The following MAST4 variants were observed in gnomAD, a reference collection of about 807,000 sequenced individuals.
The protein encoded by MAST4 is microtubule-associated serine/threonine-protein kinase 4.
MAST4 carries 89 observed loss-of-function variants against 162.7 expected under a neutral mutation model. That is an observed-to-expected ratio of 0.55 (90% confidence interval 0.46 to 0.65). The LOEUF (loss-of-function observed/expected upper bound fraction) is 0.65. MAST4 is among the 30% of genes least tolerant of loss of function. MAST4 has a pLI of 0.00. For synonymous variants in MAST4, 1,479 were observed against 1,361.1 expected (o/e 1.09, Z -1.91); for missense variants, 3,153 against 3,374.0 (o/e 0.93, Z 1.62).
chr5:67,016,730 G>T (rs139330904), intron 4 of MAST4, among the ~76,000 whole-genome samples: 55 of 152,190 alleles, frequency 3.6e-4, no homozygotes, highest in African/African-American at 1.3e-3. Context: ...TGTCTTCCAG[G>T]CCTTTGAATG....
intron 5 of MAST4, among the ~76,000 whole-genome samples, chr5:67,076,891 G>T (rs770130717): frequency 1.4e-4 from 22 of 152,164 alleles, no homozygotes; most frequent in Non-Finnish European, 2.6e-4. Flanking sequence ...AAACTCTGAG[G>T]CTCCAACCCA....
chr5:66,716,488 G>A (rs1332055886), intron 1 of MAST4, among the ~76,000 whole-genome samples: 1 of 151,864 alleles, frequency 6.6e-6, no homozygotes, highest in African/African-American at 2.4e-5. Context: ...TGGGACTACA[G>A]GTGTACATCA....
chr5:67,134,800 T>C (rs745645321), intron 18 of MAST4, 112 bp downstream of exon 18: 35 of 870,428 alleles, frequency 4.0e-5, no homozygotes, highest in Non-Finnish European at 5.7e-5. Context: ...TATCAAACAG[T>C]TGAGCCAACA....
At chr5:66,939,490 A>G (rs1171174555) in intron 4 of MAST4, among the ~76,000 whole-genome samples, 3 of 152,262 alleles carry the variant, frequency 2.0e-5, no homozygotes, top group Admixed American at 1.3e-4. Context: ...TTCACTAACA[A>G]CGTTTTACCT....
At chr5:66,913,234 C>G (rs1482858974) in intron 4 of MAST4, among the ~76,000 whole-genome samples, 2 of 151,962 alleles carry the variant, frequency 1.3e-5, no homozygotes, top group Non-Finnish European at 2.9e-5. Flanking sequence ...AATAAAATAC[C>G]CATCTCCCCC....
rs150845930 is a variant in MAST4 at position 66,619,150 on chromosome 5, T to A, written c.363+22132T>A. ...GTTCCTCAAATAGAAGAATGGCCAT[T>A]GTGAGAGAGTAACTTTTCCAGGAGT... is the stretch of plus-strand genomic sequence containing the variant. On this transcript the variant is annotated intron_variant, in intron 1 of 28. Transcript: ENST00000403625. Among the ~76,000 whole-genome samples, 27 of 152,262 alleles carry A rather than the reference T, an allele frequency of 1.8e-4. 1 individual carries two copies. The East Asian group carries it at 5.2e-3, about 29-fold the overall frequency.
chr5:66,602,623 G>T (rs563356451), intron 1 of MAST4, among the ~76,000 whole-genome samples: 1 of 152,192 alleles, frequency 6.6e-6, no homozygotes, highest in African/African-American at 2.4e-5. Context: ...AAGGGTCCAT[G>T]ACCTGGTGGC....
chr5:67,066,248 A>G lies in MAST4; in HGVS notation c.763+11756A>G, dbSNP rs185812177. ...ACAAAGAAGAATTGAAAAATCATCT[A>G]TATTGTCCCCCTTAAAAGAAACATA... On this transcript the variant is annotated intron_variant, in intron 5 of 28. Coordinates refer to ENST00000403625, the MANE Select transcript of MAST4 (RefSeq NM_001164664.2). Among the ~76,000 whole-genome samples, 712 of 152,170 alleles carry G rather than the reference A, an allele frequency of 4.7e-3. 11 individuals are homozygous for G. Among genetic ancestry groups the G allele is most frequent in the African/African-American group, 0.016 (657 of 41,552 alleles).
At chr5:67,038,451 C>A (rs931449717) in intron 4 of MAST4, among the ~76,000 whole-genome samples, 1 of 152,136 alleles carries the variant, frequency 6.6e-6, no homozygotes, top group African/African-American at 2.4e-5. Flanking sequence ...CTGCATGGGG[C>A]AAGATACTCT....
At chr5:66,717,034 C>T (rs1264141522) in intron 1 of MAST4, among the ~76,000 whole-genome samples, 5 of 152,230 alleles carry the variant, frequency 3.3e-5, no homozygotes, top group East Asian at 1.9e-4. Flanking sequence ...TGATCCCAGG[C>T]GATGAGTATT....
chr5:66,596,516 TAGTCGCTGGCGGGGCTCCCTG>T lies in MAST4; in HGVS notation c.-139_-119del, dbSNP rs1742184749. 10 of 1,055,660 alleles carry T rather than the reference TAGTCGCTGGCGGGGCTCCCTG, an allele frequency of 9.5e-6. No homozygotes were observed. The highest frequency in any genetic ancestry group is 1.1e-5 in the Non-Finnish European group (9 of 814,710). 65.4% of individuals were successfully genotyped at this position (1,055,660 alleles called of 1,614,324 possible). On this transcript the variant is annotated 5_prime_UTR_variant, in exon 1 of 29. The change abolishes the stop of an existing upstream ORF in the 5' untranslated region. Transcript: ENST00000403625. Reference sequence around the variant, plus strand: ...CTCCTGCGGCCCCGTCACTGCCATGTAGTCGCTGGCGGGGCTCCCTGCAGCCCGGGAGCGGCAGTGCCAGTG... The same window carrying T: ...CTCCTGCGGCCCCGTCACTGCCATGTCAGCCCGGGAGCGGCAGTGCCAGTG...
At chr5:67,073,886 G>T (rs1357375802) in intron 5 of MAST4, among the ~76,000 whole-genome samples, 2 of 152,080 alleles carry the variant, frequency 1.3e-5, no homozygotes, top group Admixed American at 6.5e-5. Flanking sequence ...TTAATATATA[G>T]TTGAACATTT....
chr5:67,144,823 T>C, intron 22 of MAST4, 27 bp downstream of exon 22: 1 of 1,571,778 alleles, frequency 6.4e-7, no homozygotes, highest in Non-Finnish European at 8.6e-7. Flanking sequence ...TTAAGTAATA[T>C]AAGCAGTAGC....
rs541066745 is a variant in MAST4, at chr5:66,698,565, T to C, written c.364-61144T>C. ...CCATCTGGACATTTGCTTTAAGTGA[T>C]TCAGCTATCCAGCCCTCAACTCTAA... On this transcript the variant is annotated intron_variant, in intron 1 of 28. Transcript: ENST00000403625. 3.3e-5 allele frequency among the ~76,000 whole-genome samples: 5 copies of C among 152,268 alleles called. No individual in the cohort carries two copies. The South Asian group carries it at 1.0e-3, about 32-fold the overall frequency.
Position 66,625,278 on chromosome 5 carries a change from T to C in MAST4, c.363+28260T>C, listed in dbSNP as rs77225504. On this transcript the variant is annotated intron_variant, in intron 1 of 28. Transcript: ENST00000403625. ...TGGGAGAAAACCTACCTCTGTTGCA[T>C]TCGGTTTCCTTCTGTGGTCTTTAAG... Among the ~76,000 whole-genome samples, 5 of 152,264 alleles carry C rather than the reference T, an allele frequency of 3.3e-5. 1 individual carries two copies. The East Asian group carries it at 9.6e-4, about 29-fold the overall frequency.
At chr5:66,835,868 C>A (rs1757931741) in intron 3 of MAST4, among the ~76,000 whole-genome samples, 1 of 152,060 alleles carries the variant, frequency 6.6e-6, no homozygotes, top group Non-Finnish European at 1.5e-5. Flanking sequence ...GCCTTCATTG[C>A]CATTAAAATC....
At chr5:66,997,323 G>C (rs147702400) in intron 4 of MAST4, among the ~76,000 whole-genome samples, 1 of 151,890 alleles carries the variant, frequency 6.6e-6, no homozygotes, top group African/African-American at 2.4e-5. Context: ...AGTTAGTAGA[G>C]AGTACTTATC....
Position 67,157,384 on chromosome 5 carries a change from T to C in MAST4, c.3649-3072T>C, listed in dbSNP as rs115758431. On this transcript the variant is annotated intron_variant, in intron 26 of 28. Transcript: ENST00000403625. The stretch of plus-strand genomic sequence containing the variant: ...GAAACAGAACTGGGCTTGGTCTTTA[T>C]AGGGGTAGGAGCATTTGTACTGAGT... Among the ~76,000 whole-genome samples the C allele has an allele frequency of 3.0e-3, 450 of 152,344 alleles. 4 individuals are homozygous for C. Among genetic ancestry groups the C allele is most frequent in the African/African-American group, 0.01 (417 of 41,574 alleles).
At chr5:66,722,503 TTTTA>T (rs1421410151) in intron 1 of MAST4, among the ~76,000 whole-genome samples, 1 of 151,600 alleles carries the variant, frequency 6.6e-6, no homozygotes, top group Non-Finnish European at 1.5e-5. Flanking sequence ...ATTATATAAT[TTTTA>T]TTTATTTATT....
Sources: allele counts gnomAD v4.1 joint callset (sites outside exome capture counted in the v4.1 genomes callset), GRCh38; gene constraint gnomAD v4.1.1; transcripts MANE v1.5; gene names NCBI Gene and HGNC (gene_info 2026-07-23, HGNC 2026-07-21).